The following IRAG2 variants were observed in gnomAD, a reference collection of about 807,000 sequenced individuals.
The protein encoded by IRAG2 is lymphoid restricted membrane protein.
Under a neutral mutation model 69.9 loss-of-function variants are expected in IRAG2, and 45 were observed. The observed-to-expected ratio is 0.64, with a 90% CI of 0.51 to 0.83. The LOEUF is 0.83. Ranked by LOEUF, IRAG2 falls within the 40% of genes least tolerant of loss-of-function variation. The pLI, the probability that IRAG2 is intolerant of heterozygous loss-of-function variation, is 0.00. For synonymous variants in IRAG2, 193 were observed against 202.4 expected (o/e 0.95, Z 0.40); for missense variants, 520 against 587.0 (o/e 0.89, Z 1.18).
chr12:25,094,835 C>T (rs1371967886), intron 14 of IRAG2, among the ~76,000 whole-genome samples: 1 of 151,964 alleles, frequency 6.6e-6, no homozygotes, highest in African/African-American at 2.4e-5. Flanking sequence ...CATTTTGATG[C>T]TATTGTAAAG....
At chr12:25,106,760 A>G (rs1474892953) in intron 20 of IRAG2, among the ~76,000 whole-genome samples, 183 bp from the exon 21 acceptor site, 1 of 151,636 alleles carries the variant, frequency 6.6e-6, no homozygotes, top group Non-Finnish European at 1.5e-5. Flanking sequence ...TTAAATTTCT[A>G]TAAAAGGTTT....
In IRAG2 at chr12:25,037,797, G is replaced by A. The variant is rs150914270; in HGVS notation, c.1981-177G>A. On this transcript the variant is annotated intron_variant, in intron 15 of 38. Transcript: ENST00000636465. ...TAACCAATAGGATAGTCAATCTCTG[G>A]GCAATTGGAAATTGGTATTAATTAA... 2.0e-4 allele frequency among the ~76,000 whole-genome samples: 30 copies of A among 152,062 alleles called. 1 individual carries two copies. The highest frequency in any genetic ancestry group is 6.0e-4 in the African/African-American group (25 of 41,470).
the IRAG2 span, among the ~76,000 whole-genome samples, chr12:24,998,279 A>T: frequency 6.6e-6 from 1 of 152,104 alleles, no homozygotes; most frequent in Non-Finnish European, 1.5e-5. Flanking sequence ...TTGTGGGAGG[A>T]AAGTTTCTAG....
intron 14 of IRAG2, chr12:25,091,129 T>C: frequency 5.8e-6 from 1 of 171,382 alleles, no homozygotes; most frequent in Non-Finnish European, 1.3e-5. Context: ...AATCACGTTA[T>C]TTTTTACCGT....
At chr12:25,075,056 G>T (rs1357450237) in intron 6 of IRAG2, among the ~76,000 whole-genome samples, 1 of 152,182 alleles carries the variant, frequency 6.6e-6, no homozygotes, top group African/African-American at 2.4e-5. Flanking sequence ...TGAAAGTGGT[G>T]GGTGTAACCT....
intron 5 of IRAG2, among the ~76,000 whole-genome samples, chr12:25,067,356 C>A (rs1013779500): frequency 6.6e-6 from 1 of 152,172 alleles, no homozygotes; most frequent in Admixed American, 6.5e-5. Flanking sequence ...TTTCCACACA[C>A]CAATCACTTC....
chr12:25,107,626 T>C (rs1949282990), intron 21 of IRAG2, among the ~76,000 whole-genome samples, 191 bp from the exon 22 acceptor site: 1 of 152,294 alleles, frequency 6.6e-6, no homozygotes, highest in African/African-American at 2.4e-5. Context: ...ACATCATTTC[T>C]TTAATCCTAA....
upstream of IRAG2, chr12:25,052,460 A>G (rs894779744): frequency 1.0e-5 from 4 of 396,674 alleles, no homozygotes; most frequent in Admixed American, 4.4e-5. Flanking sequence ...AAAAAAAAGC[A>G]AAGAGGAACT....
chr12:25,054,622 G>T lies in IRAG2; in HGVS notation c.-447+1666G>T, dbSNP rs144737988. Among the ~76,000 whole-genome samples the T allele has an allele frequency of 1.4e-3, 210 of 152,220 alleles. 1 individual carries two copies. The highest frequency in any genetic ancestry group is 4.1e-3 in the African/African-American group (170 of 41,532). ...TATGAAAGCTGCCCTGGGTTGATAC[G>T]TGTATTTTTTTCTGCCTGGATAACG... On this transcript the variant is annotated intron_variant, in intron 1 of 21. Transcript: ENST00000556887.
chr12:25,041,859 T>A (rs1444254173), intron 16 of IRAG2, among the ~76,000 whole-genome samples: 1 of 116,248 alleles, frequency 8.6e-6, no homozygotes, highest in Non-Finnish European at 1.9e-5. Flanking sequence ...GATATCAACT[T>A]ACTGGTTTGT....
intron 15 of IRAG2, among the ~76,000 whole-genome samples, chr12:25,099,756 C>T (rs1037940561): frequency 6.6e-6 from 1 of 151,974 alleles, no homozygotes; most frequent in Non-Finnish European, 1.5e-5. Context: ...AATCCTAGCA[C>T]CTTGGGAGGC....
chr12:25,047,708 G>A (rs999788050), upstream of IRAG2, among the ~76,000 whole-genome samples: 1 of 152,154 alleles, frequency 6.6e-6, no homozygotes, highest in African/African-American at 2.4e-5. Flanking sequence ...GAGAACATGT[G>A]ACGTTTGGTT....
At position 25,101,295 on chromosome 12, in the gene IRAG2, G is replaced by A; in HGVS notation, c.859G>A (p.Glu287Lys). The A allele has an allele frequency of 3.1e-6, 5 of 1,607,978 alleles. No individual in the cohort carries two copies. The highest frequency in any genetic ancestry group is 4.2e-6 in the Non-Finnish European group (5 of 1,176,680). The stretch of plus-strand genomic sequence containing the variant: ...ACTGAAACAGGTTCTTCTGCAGAAT[G>A]AAAGGTCTTTCAATCCTCTTGAAGA... ...EELKQVLLQN[E>K]RSFNPLEDDD... The change falls in exon 16 of 22, where the codon GAA becomes AAA. Residue 287 changes from glutamate (E) to lysine (K), a missense_variant. By Grantham distance (56) the Glu-to-Lys change is moderately conservative. Transcript: ENST00000556887.
In IRAG2 at chr12:25,053,247, T is replaced by C. The variant is rs796126500; in HGVS notation, c.-447+291T>C. Among the ~76,000 whole-genome samples the C allele has an allele frequency of 3.9e-4, 59 of 151,514 alleles. 1 individual carries two copies. The highest frequency in any genetic ancestry group is 1.4e-3 in the African/African-American group (58 of 41,288). On this transcript the variant is annotated intron_variant, in intron 1 of 21. Coordinates refer to ENST00000556887, the MANE Select transcript of IRAG2 (RefSeq NM_001366544.2). ...TAAAACTTCTCAAAATTTCTAAAAG[T>C]AAACAAGGAGAAAAATCTAGTATGC...
chr12:25,032,425 T>C (rs868565198), intron 12 of IRAG2: 3 of 398,794 alleles, frequency 7.5e-6, no homozygotes, highest in African/African-American at 6.2e-5. Context: ...CCCTACATTA[T>C]TGGCCCAATT....
Position 25,096,959 on chromosome 12 carries a change from A to G in IRAG2, c.656A>G (p.Lys219Arg), listed in dbSNP as rs758439957. The G allele has an allele frequency of 5.0e-6, 8 of 1,613,730 alleles. No individual in the cohort carries two copies. The highest frequency in any genetic ancestry group is 3.3e-5 in the Admixed American group (2 of 59,976). The change falls in exon 15 of 22, where the codon AAG (lysine) becomes AGG (arginine). Residue 219 changes from lysine to arginine, a missense_variant. Coordinates refer to ENST00000556887, the MANE Select transcript of IRAG2 (RefSeq NM_001366544.2). ...GACAACCAGGCACAGGAAATCATTA[A>G]GAAGCTGGAGAAGAGTATAAAGTTT... is the stretch of plus-strand genomic sequence containing the variant. Reference protein sequence around the residue: ...EDDNQAQEIIKKLEKSIKFLS... With the variant: ...EDDNQAQEIIRKLEKSIKFLS...
chr12:25,007,413 G>C (rs1591921433), intron 2 of IRAG2, among the ~76,000 whole-genome samples: 1 of 151,974 alleles, frequency 6.6e-6, no homozygotes, highest in Non-Finnish European at 1.5e-5. Context: ...CAGTTTTACT[G>C]TTCAAGCCAA....
At chr12:25,085,327 G>A (rs1947503421) in intron 10 of IRAG2, among the ~76,000 whole-genome samples, 1 of 152,172 alleles carries the variant, frequency 6.6e-6, no homozygotes, top group Non-Finnish European at 1.5e-5. Flanking sequence ...CAGAAGGGGG[G>A]ATGGAGTGGG....
intron 1 of IRAG2, among the ~76,000 whole-genome samples, chr12:25,055,198 A>C (rs1416959005): frequency 1.3e-5 from 2 of 152,236 alleles, no homozygotes; most frequent in Non-Finnish European, 2.9e-5. Context: ...CTGGAAATTT[A>C]TATGTGATGT....
Sources: allele counts gnomAD v4.1 joint callset (sites outside exome capture counted in the v4.1 genomes callset), GRCh38; gene constraint gnomAD v4.1.1; transcripts MANE v1.5; gene names NCBI Gene and HGNC (gene_info 2026-07-23, HGNC 2026-07-21).